Variants in CHD5 observed in about 807,000 individuals in gnomAD.
CHD5 encodes the protein chromodomain helicase DNA binding protein 5, also known as ATP-dependent chromatin remodeler CHD5.
In CHD5, 69 loss-of-function variants were observed where a neutral mutation model predicts 230.3. The observed-to-expected ratio is 0.30, with a 90% CI of 0.25 to 0.37. The LOEUF (loss-of-function observed/expected upper bound fraction) is 0.37. Among genes scored for constraint, CHD5 ranks in the 10% least tolerant of loss-of-function variants. CHD5 has a pLI of 1.00. For missense variants in CHD5, 1,827 were observed against 2,622.8 expected, an observed-to-expected ratio of 0.70 and a Z score of 6.63; for synonymous variants, 1,064 against 1,065.9, an observed-to-expected ratio of 1.00 and a Z score of 0.03.
chr1:6,174,660 G>A (rs897374824), intron 1 of CHD5, among the ~76,000 whole-genome samples: 9 of 151,708 alleles, frequency 5.9e-5, no homozygotes, highest in Admixed American at 5.2e-4. Flanking sequence ...TGAATTGATG[G>A]ATAGACGGTG....
chr1:6,142,612 G>A lies in CHD5; in HGVS notation c.2044-7C>T, dbSNP rs1207364615. ...TGTCGAACTTGACCGTGGGCTGCAG[G>A]GGAGGCAGCGGTTCAGACACGCCCC... On this transcript the variant is annotated splice_region_variant and splice_polypyrimidine_tract_variant and intron_variant, in intron 13 of 41. Transcript: ENST00000262450. The surrounding 1 kb of genome is among the most constrained non-coding windows in gnomAD (Gnocchi z 5.2). The A allele has an allele frequency of 5.0e-6, 8 of 1,606,664 alleles. No individual in the cohort carries two copies. Among genetic ancestry groups the A allele is most frequent in the Non-Finnish European group, 6.0e-6 (7 of 1,176,386 alleles).
intron 20 of CHD5, among the ~76,000 whole-genome samples, chr1:6,132,551 C>A (rs1404443439): frequency 6.6e-6 from 1 of 152,306 alleles, no homozygotes; most frequent in African/African-American, 2.4e-5. Context: ...TCTGTTTCTT[C>A]TGCAACTCCA....
At position 6,128,001 on chromosome 1, in the gene CHD5, G is replaced by T; in HGVS notation, c.3903+45C>A. On this transcript the variant is annotated intron_variant, in intron 25 of 41. Transcript: ENST00000262450. This position sits in a 1 kb window ranked among gnomAD's most constrained non-coding sequence, Gnocchi z 7.8. ...GGACACAGTGGGGGGCGGGGCTGCG[G>T]ATGGAGGGCGGGGCTGCGGATGGAG... 1 of 1,469,066 alleles carries T rather than the reference G, an allele frequency of 6.8e-7. No homozygotes were observed. Among genetic ancestry groups the T allele is most frequent in the Non-Finnish European group, 9.2e-7 (1 of 1,091,606 alleles). The allele number at this position is 1,469,066 out of a possible 1,614,324, so 91.0% of individuals were successfully genotyped here. A position where few individuals can be genotyped will look rare whatever the true frequency, so the allele number is the denominator to read the frequency against.
intron 9 of CHD5, among the ~76,000 whole-genome samples, chr1:6,147,682 C>G (rs1178653579): frequency 6.6e-6 from 1 of 152,200 alleles, no homozygotes; most frequent in Non-Finnish European, 1.5e-5. Flanking sequence ...GAAACTCATC[C>G]AAGCCTCCAG....
intron 2 of CHD5, among the ~76,000 whole-genome samples, chr1:6,162,825 C>T (rs945368239): frequency 6.6e-6 from 1 of 152,180 alleles, no homozygotes; most frequent in South Asian, 2.1e-4. Context: ...GGGCGAGACG[C>T]GGTACAGAGG....
rs1292230413 is a variant in CHD5, at chr1:6,121,772, G to A, written c.4700-199C>T. ...CAGGCCTTTGACTCAGGAGTGCTTG[G>A]AGGACCTTGAACCCAGTAAGACCAA... On this transcript the variant is annotated intron_variant, in intron 31 of 41. Transcript: ENST00000262450. This position sits in a 1 kb window ranked among gnomAD's most constrained non-coding sequence, Gnocchi z 4.5. Among the ~76,000 whole-genome samples the A allele has an allele frequency of 6.6e-6, 1 of 152,202 alleles. No individual in the cohort carries two copies. The highest frequency in any genetic ancestry group is 2.4e-5 in the African/African-American group (1 of 41,454).
intron 2 of CHD5, among the ~76,000 whole-genome samples, chr1:6,164,950 G>A (rs1247734786): frequency 6.6e-6 from 1 of 152,152 alleles, no homozygotes; most frequent in Non-Finnish European, 1.5e-5. Flanking sequence ...ATGCCGAGAG[G>A]TTACCAAGGT....
chr1:6,179,500 A>T (rs1260344927), intron 1 of CHD5, among the ~76,000 whole-genome samples: 3 of 151,282 alleles, frequency 2.0e-5, no homozygotes, highest in Non-Finnish European at 4.4e-5. Context: ...CCCGCGGCCG[A>T]CATGGGCCAG....
chr1:6,115,013 C>CA (rs58602687), intron 33 of CHD5, among the ~76,000 whole-genome samples: 13,330 of 136,156 alleles, frequency 0.098, 926 homozygotes, highest in East Asian at 0.29. Context: ...GACTCCATCT[C>CA]AAAAAAAAAA....
At chr1:6,152,598 C>T in intron 5 of CHD5, 62 bp from the exon 6 acceptor site, 1 of 1,608,072 alleles carries the variant, frequency 6.2e-7, no homozygotes, top group Non-Finnish European at 8.5e-7. Flanking sequence ...TTCCTGCCAT[C>T]ATCTCACTGA....
chr1:6,160,703 C>T (rs1234293262), intron 2 of CHD5, among the ~76,000 whole-genome samples: 6 of 152,272 alleles, frequency 3.9e-5, no homozygotes, highest in African/African-American at 1.4e-4. Context: ...CCTCTCCCAC[C>T]CCATCCTGGC....
At chr1:6,140,634 A>G (rs924202661) in intron 15 of CHD5, among the ~76,000 whole-genome samples, 6 of 152,186 alleles carry the variant, frequency 3.9e-5, no homozygotes, top group East Asian at 1.9e-4. Context: ...CAGCTGGTGC[A>G]CTGCATTGAA....
At position 6,167,670 on chromosome 1, in the gene CHD5, C is replaced by A. The variant is rs577418203; in HGVS notation, c.207+480G>T. Among the ~76,000 whole-genome samples, 1 of 152,186 alleles carries A rather than the reference C, an allele frequency of 6.6e-6. No individual in the cohort carries two copies. The highest frequency in any genetic ancestry group is 1.5e-5 in the Non-Finnish European group (1 of 68,028). On this transcript the variant is annotated intron_variant, in intron 2 of 41. Transcript: ENST00000262450. The surrounding 1 kb of genome is among the most constrained non-coding windows in gnomAD (Gnocchi z 4.5). ...TGCCAACCCAAGGCAGCGGAGCATGCGGCAGCCTCGCCCATCCAGAACCAG... is the reference window on the plus strand; with the variant it reads ...TGCCAACCCAAGGCAGCGGAGCATGAGGCAGCCTCGCCCATCCAGAACCAG...
chr1:6,144,018 A>G lies in CHD5; in HGVS notation c.1934+6T>C, dbSNP rs1313438607. On this transcript the variant is annotated splice_donor_region_variant and intron_variant, in intron 12 of 41. Coordinates refer to ENST00000262450, the MANE Select transcript of CHD5 (RefSeq NM_015557.3). ...TGTGCCTAGCAGCCGGATCCCTGCG[A>G]CCCACCTGTGGCCCCAGTAGGCCTG... The G allele has an allele frequency of 6.2e-7, 1 of 1,613,968 alleles. No homozygotes were observed. Among genetic ancestry groups the G allele is most frequent in the East Asian group, 2.2e-5 (1 of 44,870 alleles).
chr1:6,143,740 AAC>A, intron 13 of CHD5, 81 bp downstream of exon 13: 1 of 1,236,222 alleles, frequency 8.1e-7, no homozygotes, highest in Non-Finnish European at 1.2e-6. Flanking sequence ...TCCTTTTGAG[AAC>A]ACACACCCCC....
At chr1:6,144,282 G>T in intron 11 of CHD5, 127 bp from the exon 12 acceptor site, 1 of 1,334,476 alleles carries the variant, frequency 7.5e-7, no homozygotes, top group Non-Finnish European at 1.0e-6. Context: ...GCCCAGCCAG[G>T]AGGAGGAGAC....
chr1:6,175,133 G>A (rs1667403984), intron 1 of CHD5, among the ~76,000 whole-genome samples: 1 of 151,490 alleles, frequency 6.6e-6, no homozygotes, highest in Non-Finnish European at 1.5e-5. Context: ...GACAATAGGT[G>A]GATGGATGGA....
intron 9 of CHD5, among the ~76,000 whole-genome samples, chr1:6,147,644 G>T (rs1043499308): frequency 1.3e-5 from 2 of 152,158 alleles, no homozygotes; most frequent in African/African-American, 4.8e-5. Flanking sequence ...GGGATAGCAG[G>T]TCCCAGCTTT....
At chr1:6,174,983 ATG>A (rs1667400811) in intron 1 of CHD5, among the ~76,000 whole-genome samples, 5 of 135,456 alleles carry the variant, frequency 3.7e-5, no homozygotes, top group Admixed American at 3.6e-4. Context: ...GGATGGATGG[ATG>A]GATGGATGGA....
Sources: allele counts gnomAD v4.1 joint callset (sites outside exome capture counted in the v4.1 genomes callset), GRCh38; gene constraint gnomAD v4.1.1; non-coding constraint Gnocchi (gnomAD v3.1); transcripts MANE v1.5; gene names NCBI Gene and HGNC (gene_info 2026-07-23, HGNC 2026-07-21).